CADM2: variants seen among roughly 807,000 people sequenced by gnomAD.
CADM2 encodes the protein cell adhesion molecule 2, also known as immunoglobulin superfamily member 4D.
CADM2 carries 12 observed loss-of-function variants against 49.8 expected under a neutral mutation model. The ratio of observed to expected loss-of-function variants is 0.24; its 90% CI spans 0.15 to 0.39. The LOEUF (loss-of-function observed/expected upper bound fraction) is 0.39, where lower values mean the gene tolerates loss of function less well. Ranked by LOEUF, CADM2 falls within the 10% of genes least tolerant of loss-of-function variation. CADM2 has a pLI of 1.00. For synonymous variants in CADM2, 214 were observed against 175.4 expected (o/e 1.22, Z -1.74); for missense variants, 378 against 492.3 (o/e 0.77, Z 2.20).
chr3:85,026,993 A>G (rs2034755634), intron 1 of CADM2, among the ~76,000 whole-genome samples: 1 of 151,696 alleles, frequency 6.6e-6, no homozygotes, highest in South Asian at 2.1e-4. Context: ...GTTTTTCACG[A>G]CATGTCTTTC....
intron 2 of CADM2, among the ~76,000 whole-genome samples, chr3:85,786,279 A>G (rs951995887): frequency 1.3e-5 from 2 of 152,092 alleles, no homozygotes; most frequent in South Asian, 2.1e-4. Flanking sequence ...ATACAAAAAA[A>G]GTATTAATTC....
intron 1 of CADM2, among the ~76,000 whole-genome samples, chr3:85,361,444 T>C (rs1295365773): frequency 6.6e-6 from 1 of 152,198 alleles, no homozygotes; most frequent in African/African-American, 2.4e-5. Context: ...AAAATTGTTT[T>C]TAACAGTACT....
At chr3:85,373,662 G>A (rs985276732) in intron 1 of CADM2, among the ~76,000 whole-genome samples, 1 of 152,164 alleles carries the variant, frequency 6.6e-6, no homozygotes, top group African/African-American at 2.4e-5. Context: ...ACCTCTGCCT[G>A]GACATCTAGG....
chr3:85,863,039 G>A (rs1009370004), intron 3 of CADM2, among the ~76,000 whole-genome samples: 12 of 152,146 alleles, frequency 7.9e-5, no homozygotes, highest in African/African-American at 2.7e-4. Context: ...ATTCAGTAGA[G>A]GTGTCAAGTC....
intron 1 of CADM2, among the ~76,000 whole-genome samples, chr3:85,466,785 T>G (rs1356417299): frequency 6.6e-6 from 1 of 151,926 alleles, no homozygotes; most frequent in South Asian, 2.1e-4. Context: ...TTTTCAACAG[T>G]TTCCCCCCAT....
At chr3:85,603,432 A>G (rs1191435866) in intron 1 of CADM2, among the ~76,000 whole-genome samples, 1 of 151,886 alleles carries the variant, frequency 6.6e-6, no homozygotes, top group South Asian at 2.1e-4. Context: ...GTTAGCCTAC[A>G]CATTTGTTTT....
At chr3:85,325,747 T>C (rs2044734916) in intron 1 of CADM2, among the ~76,000 whole-genome samples, 1 of 151,916 alleles carries the variant, frequency 6.6e-6, no homozygotes, top group South Asian at 2.1e-4. Context: ...AGATTATCAT[T>C]TAATTTTTTA....
At chr3:85,324,396 T>C (rs2044693879) in intron 1 of CADM2, among the ~76,000 whole-genome samples, 1 of 152,152 alleles carries the variant, frequency 6.6e-6, no homozygotes, top group South Asian at 2.1e-4. Flanking sequence ...CCTTGCCTCT[T>C]CTTAATGATT....
At chr3:85,282,040 T>G (rs939339823) in intron 1 of CADM2, among the ~76,000 whole-genome samples, 3 of 152,050 alleles carry the variant, frequency 2.0e-5, no homozygotes, top group East Asian at 3.9e-4. Flanking sequence ...AAACTACATA[T>G]TCTTCAAAAA....
At chr3:85,852,608 G>A (rs2075151947) in intron 3 of CADM2, among the ~76,000 whole-genome samples, 1 of 152,044 alleles carries the variant, frequency 6.6e-6, no homozygotes, top group Non-Finnish European at 1.5e-5. Context: ...TACAAGGATG[G>A]AGACAAGAAT....
At chr3:85,515,582 C>G (rs1282558082) in intron 1 of CADM2, among the ~76,000 whole-genome samples, 1 of 142,176 alleles carries the variant, frequency 7.0e-6, no homozygotes, top group African/African-American at 2.8e-5. Flanking sequence ...GCCACCACGC[C>G]CTACAGGAGA....
chr3:85,008,753 T>A (rs555544787), intron 1 of CADM2, among the ~76,000 whole-genome samples: 2 of 152,158 alleles, frequency 1.3e-5, no homozygotes, highest in African/African-American at 4.8e-5. Context: ...TATATATATA[T>A]AATTTATATG....
At chr3:85,269,246 T>G (rs1298840391) in intron 1 of CADM2, among the ~76,000 whole-genome samples, 1 of 151,474 alleles carries the variant, frequency 6.6e-6, no homozygotes, top group African/African-American at 2.4e-5. Flanking sequence ...GAAGGTGATC[T>G]GACAGAACAC....
intron 1 of CADM2, among the ~76,000 whole-genome samples, chr3:85,152,685 C>T (rs12497261): frequency 0.084 from 12,719 of 152,078 alleles, 1,082 homozygotes; most frequent in Admixed American, 0.25. Flanking sequence ...AGGCTGGGCA[C>T]GGTGGCTCAC....
intron 2 of CADM2, among the ~76,000 whole-genome samples, chr3:85,760,070 A>G (rs1436006301): frequency 1.3e-5 from 2 of 152,104 alleles, no homozygotes; most frequent in African/African-American, 4.8e-5. Flanking sequence ...TGTGATCTCT[A>G]CTTGAATGTT....
At chr3:85,949,479 A>G (rs1262212558) in intron 7 of CADM2, among the ~76,000 whole-genome samples, 1 of 151,320 alleles carries the variant, frequency 6.6e-6, no homozygotes, top group African/African-American at 2.4e-5. Flanking sequence ...CTATATAAAA[A>G]TGTGTGTTCA....
Position 85,821,141 on chromosome 3 carries a change from C to T in CADM2, c.238+18945C>T, listed in dbSNP as rs77173107. Among the ~76,000 whole-genome samples the T allele has an allele frequency of 4.6e-3, 696 of 152,228 alleles. 4 individuals are homozygous for T. The highest frequency in any genetic ancestry group is 5.0e-3 in the Non-Finnish European group (343 of 68,018). On this transcript the variant is annotated intron_variant, in intron 3 of 9. Transcript: ENST00000383699. ...TCTCTGCATACAATATGATTCCTCACGCTTGCCTTTGGAGATGAAGTTTTC... is the reference window on the plus strand; with the variant it reads ...TCTCTGCATACAATATGATTCCTCATGCTTGCCTTTGGAGATGAAGTTTTC...
chr3:85,757,659 A>T (rs1559636592), intron 2 of CADM2, among the ~76,000 whole-genome samples: 1 of 152,156 alleles, frequency 6.6e-6, no homozygotes, highest in Non-Finnish European at 1.5e-5. Flanking sequence ...ATTAATGATT[A>T]ATGCAGTTGA....
intron 8 of CADM2, among the ~76,000 whole-genome samples, chr3:86,046,559 G>C (rs972386247): frequency 2.6e-5 from 4 of 151,978 alleles, no homozygotes; most frequent in African/African-American, 9.7e-5. Flanking sequence ...AGAGGCCAAG[G>C]ATGTTGTTAA....
Sources: gnomAD v4.1 joint callset for allele counts (sites outside exome capture counted in the v4.1 genomes callset) on GRCh38, gnomAD v4.1.1 for gene constraint, MANE v1.5 for transcripts, NCBI Gene and HGNC (gene_info 2026-07-23, HGNC 2026-07-21) for gene names.